CEP112: variants seen among roughly 807,000 people sequenced by gnomAD.
CEP112 encodes the protein centrosomal protein 112.
Under a neutral mutation model 153.0 loss-of-function variants are expected in CEP112, and 127 were observed. The ratio of observed to expected loss-of-function variants is 0.83; its 90% confidence interval spans 0.72 to 0.96. CEP112 has a LOEUF of 0.96. Ranked by LOEUF, CEP112 falls within the 40% of genes least tolerant of loss-of-function variation. CEP112 has a pLI of 0.00. For synonymous variants in CEP112, 358 were observed against 374.4 expected (o/e 0.96, Z 0.51); for missense variants, 1,089 against 1,101.2 (o/e 0.99, Z 0.16).
chr17:66,103,408 A>G (rs1329590279), intron 6 of CEP112, among the ~76,000 whole-genome samples: 1 of 152,190 alleles, frequency 6.6e-6, no homozygotes, highest in Non-Finnish European at 1.5e-5. Flanking sequence ...GTACAAGATT[A>G]GAAAGTAAAA....
At chr17:66,103,942 T>C (rs1113843) in intron 6 of CEP112, among the ~76,000 whole-genome samples, 48,424 of 152,078 alleles carry the variant, frequency 0.32, 10,000 homozygotes, top group Non-Finnish European at 0.46. Context: ...AGACCAACCC[T>C]AGCCAGAGGC....
intron 12 of CEP112, among the ~76,000 whole-genome samples, chr17:66,031,071 T>C (rs2065441228): frequency 6.6e-6 from 1 of 152,250 alleles, no homozygotes; most frequent in Admixed American, 6.5e-5. Flanking sequence ...CTTCTTTAAA[T>C]GCATACAATT....
chr17:66,175,870 C>A (rs535687629), intron 3 of CEP112, among the ~76,000 whole-genome samples: 2 of 152,286 alleles, frequency 1.3e-5, no homozygotes, highest in South Asian at 4.1e-4. Flanking sequence ...AAATGTTCTA[C>A]CTTTACACGT....
At chr17:65,890,849 G>A (rs1018248797) in intron 20 of CEP112, among the ~76,000 whole-genome samples, 7 of 152,296 alleles carry the variant, frequency 4.6e-5, no homozygotes, top group South Asian at 2.1e-4. Flanking sequence ...ATGTGCGAGC[G>A]AGGGGAGCTT....
At chr17:65,951,209 T>C (rs2061817863) in intron 18 of CEP112, among the ~76,000 whole-genome samples, 1 of 152,296 alleles carries the variant, frequency 6.6e-6, no homozygotes, top group South Asian at 2.1e-4. Context: ...AGTGAAATAT[T>C]TGTCCAGCTT....
At chr17:65,936,553 A>G (rs1366875062) in intron 18 of CEP112, among the ~76,000 whole-genome samples, 1 of 152,166 alleles carries the variant, frequency 6.6e-6, no homozygotes, top group African/African-American at 2.4e-5. Context: ...AAAACCCAGA[A>G]TTCAACAACA....
chr17:65,719,365 A>G (rs1355758095), intron 23 of CEP112, among the ~76,000 whole-genome samples: 3 of 152,236 alleles, frequency 2.0e-5, no homozygotes, highest in Admixed American at 1.3e-4. Flanking sequence ...ACTTGAGGTC[A>G]GGAGTTCCAG....
chr17:65,869,367 C>A (rs940358599), intron 20 of CEP112, among the ~76,000 whole-genome samples: 2 of 152,066 alleles, frequency 1.3e-5, no homozygotes, highest in African/African-American at 4.8e-5. Flanking sequence ...AATCATTAGC[C>A]CATCTTGTGG....
intron 23 of CEP112, among the ~76,000 whole-genome samples, chr17:65,722,679 GCTT>G (rs768411713): frequency 5.3e-5 from 8 of 152,220 alleles, no homozygotes; most frequent in Non-Finnish European, 8.8e-5. Flanking sequence ...TTAATACTCT[GCTT>G]ATTAAGCTTT....
chr17:65,886,286 C>T (rs146814077), intron 20 of CEP112, among the ~76,000 whole-genome samples: 9 of 152,126 alleles, frequency 5.9e-5, no homozygotes, highest in Non-Finnish European at 1.0e-4. Context: ...ATGTCAGAGC[C>T]TTTGAAGATG....
chr17:65,933,137 A>G (rs2061183021), intron 18 of CEP112, among the ~76,000 whole-genome samples: 1 of 152,146 alleles, frequency 6.6e-6, no homozygotes, highest in South Asian at 2.1e-4. Flanking sequence ...TTATTGAGTC[A>G]CAGGAGCAAA....
chr17:65,865,837 G>A (rs943579325), intron 20 of CEP112, among the ~76,000 whole-genome samples: 5 of 152,188 alleles, frequency 3.3e-5, no homozygotes, highest in South Asian at 4.1e-4. Context: ...GTCCGGCCGC[G>A]TCACCTGACA....
chr17:65,716,656 T>C (rs1449720545), intron 23 of CEP112, among the ~76,000 whole-genome samples: 1 of 152,186 alleles, frequency 6.6e-6, no homozygotes, highest in African/African-American at 2.4e-5. Flanking sequence ...CCATTTATAA[T>C]AATGTTTCTG....
chr17:66,174,712 A>T (rs1433464437), intron 4 of CEP112, among the ~76,000 whole-genome samples: 1 of 152,218 alleles, frequency 6.6e-6, no homozygotes, highest in African/African-American at 2.4e-5. Context: ...TCATTATATC[A>T]TTAAGTGAAA....
At chr17:66,124,521 T>G (rs1280347289) in intron 6 of CEP112, among the ~76,000 whole-genome samples, 1 of 151,910 alleles carries the variant, frequency 6.6e-6, no homozygotes, top group African/African-American at 2.4e-5. Flanking sequence ...TATACCACAA[T>G]AGCATAGTTT....
intron 18 of CEP112, among the ~76,000 whole-genome samples, chr17:65,931,784 A>G (rs920897782): frequency 6.6e-6 from 1 of 152,246 alleles, no homozygotes; most frequent in Non-Finnish European, 1.5e-5. Context: ...TGCAGAGCAG[A>G]GCATGTAGTC....
chr17:65,706,535 T>G (rs1384495608), intron 23 of CEP112, among the ~76,000 whole-genome samples: 2 of 152,324 alleles, frequency 1.3e-5, no homozygotes, highest in East Asian at 3.9e-4. Flanking sequence ...CCTAGACATT[T>G]ACAACATGCG....
chr17:65,883,344 A>G (rs1190754461), intron 20 of CEP112, among the ~76,000 whole-genome samples: 28 of 151,738 alleles, frequency 1.8e-4, no homozygotes, highest in Admixed American at 1.8e-3. Context: ...TATGATGTAT[A>G]TGTGTGTGTA....
chr17:65,755,756 A>G (rs527450197), intron 21 of CEP112, among the ~76,000 whole-genome samples: 1 of 152,208 alleles, frequency 6.6e-6, no homozygotes, highest in South Asian at 2.1e-4. Context: ...GGTTGTCATT[A>G]CCTAACATGG....
Sources: gnomAD v4.1 joint callset for allele counts (sites outside exome capture counted in the v4.1 genomes callset) on GRCh38, gnomAD v4.1.1 for gene constraint, MANE v1.5 for transcripts, NCBI Gene and HGNC (gene_info 2026-07-23, HGNC 2026-07-21) for gene names.